PDSS2: variants seen among roughly 807,000 people sequenced by gnomAD.
PDSS2 encodes the protein all trans-polyprenyl-diphosphate synthase PDSS2.
In PDSS2, 31 loss-of-function variants were observed where a neutral mutation model predicts 44.5. That is an observed-to-expected ratio of 0.70 (90% CI 0.52 to 0.94). The LOEUF is 0.94. Ranked by LOEUF, PDSS2 falls within the 40% of genes least tolerant of loss-of-function variation. The pLI is 0.00. For synonymous variants in PDSS2, 157 were observed against 180.3 expected (o/e 0.87, Z 1.03); for missense variants, 452 against 482.2 (o/e 0.94, Z 0.59).
At position 107,411,006 on chromosome 6, in the gene PDSS2, T is replaced by C. The variant is rs1004196304; in HGVS notation, c.296+47984A>G. 4.6e-5 allele frequency among the ~76,000 whole-genome samples: 7 copies of C among 152,196 alleles called. No individual in the cohort carries two copies. In the East Asian group the frequency reaches 9.7e-4, roughly 21 times the overall value. On this transcript the variant is annotated intron_variant, in intron 1 of 7. Coordinates refer to ENST00000369037, the MANE Select transcript of PDSS2 (RefSeq NM_020381.4). The stretch of plus-strand genomic sequence containing the variant: ...TTTAAGAAATTCTCCTGCCTCAGCC[T>C]CCCAACTATCTGAGATTACAGGCAC...
chr6:107,215,905 G>T (rs1027197741), intron 4 of PDSS2, among the ~76,000 whole-genome samples: 2 of 152,164 alleles, frequency 1.3e-5, no homozygotes, highest in Admixed American at 1.3e-4. Context: ...GGGAGGCAGA[G>T]GTGGGCAGAT....
At chr6:107,292,356 C>T (rs1452701722) in intron 2 of PDSS2, among the ~76,000 whole-genome samples, 6 of 152,136 alleles carry the variant, frequency 3.9e-5, no homozygotes, top group African/African-American at 7.2e-5. Flanking sequence ...TTCATTTCCT[C>T]CCCTCTTGAT....
At chr6:107,309,932 G>A (rs1776980501) in intron 2 of PDSS2, among the ~76,000 whole-genome samples, 2 of 152,102 alleles carry the variant, frequency 1.3e-5, no homozygotes, top group Non-Finnish European at 2.9e-5. Context: ...CAGGCTGGGT[G>A]GCTTAAACAG....
chr6:107,437,525 CAAAAAAAAAAAAAA>C (rs60133518), intron 1 of PDSS2, among the ~76,000 whole-genome samples: 1 of 126,722 alleles, frequency 7.9e-6, no homozygotes, highest in African/African-American at 3.2e-5. Flanking sequence ...ACCCTGTCTC[CAAAAAAAAAAAAAA>C]AAAAAAAAAA....
intron 4 of PDSS2, among the ~76,000 whole-genome samples, chr6:107,241,010 A>G (rs1054052537): frequency 3.3e-5 from 5 of 151,928 alleles, no homozygotes; most frequent in Admixed American, 6.6e-5. Flanking sequence ...GCACTTTGGG[A>G]GGCTGAGGAG....
At chr6:107,185,562 A>G (rs1772137830) in intron 7 of PDSS2, among the ~76,000 whole-genome samples, 1 of 152,252 alleles carries the variant, frequency 6.6e-6, no homozygotes, top group African/African-American at 2.4e-5. Context: ...TGCTTATTTC[A>G]AGTAGCAGTA....
Position 107,355,339 on chromosome 6 carries a change from GTGA to G in PDSS2, c.297-21010_297-21008del, listed in dbSNP as rs375960967. 3.2e-3 allele frequency among the ~76,000 whole-genome samples: 484 copies of G among 152,240 alleles called. 4 individuals carry two copies. The highest frequency in any genetic ancestry group is 0.011 in the African/African-American group (449 of 41,538). ...ATATTTTTAAAAGGTGTGAATTTGG[GTGA>G]TGTACAGTATATATGGTTTAATTGA... On this transcript the variant is annotated intron_variant, in intron 1 of 7. Coordinates refer to ENST00000369037, the MANE Select transcript of PDSS2 (RefSeq NM_020381.4).
intron 2 of PDSS2, among the ~76,000 whole-genome samples, chr6:107,327,907 C>T (rs1403744247): frequency 1.3e-5 from 2 of 152,248 alleles, no homozygotes; most frequent in African/African-American, 4.8e-5. Flanking sequence ...AAACTGCCAT[C>T]CCTTTAAGTC....
At chr6:107,373,504 G>C (rs77995640) in intron 1 of PDSS2, among the ~76,000 whole-genome samples, 2,033 of 152,208 alleles carry the variant, frequency 0.013, 61 homozygotes, top group East Asian at 0.12. Context: ...TCTGAATCTA[G>C]AGACAGACTG....
intron 2 of PDSS2, among the ~76,000 whole-genome samples, chr6:107,282,590 G>A (rs1776000005): frequency 6.6e-6 from 1 of 151,534 alleles, no homozygotes; most frequent in African/African-American, 2.4e-5. Context: ...TTGGGGCCGG[G>A]CTCCGTGGTT....
chr6:107,440,643 G>C (rs964816903), intron 1 of PDSS2, among the ~76,000 whole-genome samples: 14 of 152,200 alleles, frequency 9.2e-5, no homozygotes, highest in Admixed American at 8.5e-4. Flanking sequence ...TCCACCAGGA[G>C]ATATAAAAAT....
chr6:107,342,402 G>C (rs1042411428), intron 1 of PDSS2, among the ~76,000 whole-genome samples: 7 of 152,024 alleles, frequency 4.6e-5, no homozygotes, highest in African/African-American at 1.7e-4. Context: ...TAAGTTCTTT[G>C]AAAGTGACAG....
intron 7 of PDSS2, among the ~76,000 whole-genome samples, chr6:107,157,949 G>A (rs1220474347): frequency 6.6e-6 from 1 of 152,078 alleles, no homozygotes; most frequent in Non-Finnish European, 1.5e-5. Context: ...GGGATTACAG[G>A]CATGAGCCAC....
chr6:107,319,309 T>G (rs899066308), intron 2 of PDSS2, among the ~76,000 whole-genome samples: 1 of 152,170 alleles, frequency 6.6e-6, no homozygotes, highest in East Asian at 1.9e-4. Flanking sequence ...ACACACTATA[T>G]AAACTTTTAA....
chr6:107,433,701 T>C (rs951805051), intron 1 of PDSS2, among the ~76,000 whole-genome samples: 1 of 152,186 alleles, frequency 6.6e-6, no homozygotes, highest in African/African-American at 2.4e-5. Context: ...TCCAGGACAC[T>C]TGCCTGGGCA....
intron 2 of PDSS2, among the ~76,000 whole-genome samples, chr6:107,316,438 C>T (rs967243758): frequency 1.3e-4 from 20 of 151,726 alleles, no homozygotes; most frequent in African/African-American, 3.6e-4. Flanking sequence ...CAGATACTTA[C>T]AAAAGGTTGC....
intron 1 of PDSS2, among the ~76,000 whole-genome samples, chr6:107,456,033 G>A (rs1019351243): frequency 6.6e-6 from 1 of 152,060 alleles, no homozygotes; most frequent in South Asian, 2.1e-4. Context: ...ATTACAAGAT[G>A]ACTGTGAGGC....
chr6:107,263,436 G>C (rs573274019), intron 3 of PDSS2, among the ~76,000 whole-genome samples: 2 of 149,998 alleles, frequency 1.3e-5, no homozygotes, highest in Admixed American at 6.6e-5. Context: ...CTGGGTGACA[G>C]AGCAAGACTG....
chr6:107,363,262 T>C lies in PDSS2; in HGVS notation c.297-28930A>G, dbSNP rs116199153. 3.4e-3 allele frequency among the ~76,000 whole-genome samples: 517 copies of C among 152,300 alleles called. 3 individuals carry two copies. Among genetic ancestry groups the C allele is most frequent in the African/African-American group, 0.012 (497 of 41,550 alleles). Reference sequence around the variant, plus strand: ...ACAAACTGTTGAAGGATAAATTGTGTTCGGAATTGGTGGGTTCTTGGTCTC... The same window carrying C: ...ACAAACTGTTGAAGGATAAATTGTGCTCGGAATTGGTGGGTTCTTGGTCTC... On this transcript the variant is annotated intron_variant, in intron 1 of 7. Coordinates refer to ENST00000369037, the MANE Select transcript of PDSS2 (RefSeq NM_020381.4).
Sources: allele counts gnomAD v4.1 joint callset (sites outside exome capture counted in the v4.1 genomes callset), GRCh38; gene constraint gnomAD v4.1.1; transcripts MANE v1.5; gene names NCBI Gene and HGNC (gene_info 2026-07-23, HGNC 2026-07-21).